The following DDAH1 variants were observed in gnomAD, a reference collection of about 807,000 sequenced individuals.
DDAH1 encodes the protein dimethylarginine dimethylaminohydrolase 1.
DDAH1 carries 19 observed loss-of-function variants against 28.8 expected under a neutral mutation model. The ratio of observed to expected loss-of-function variants is 0.66; its 90% confidence interval spans 0.46 to 0.97. The LOEUF is 0.97. Among genes scored for constraint, DDAH1 ranks in the 50% least tolerant of loss-of-function variants. The pLI is 0.00. For synonymous variants in DDAH1, 153 were observed against 154.4 expected (o/e 0.99, Z 0.07); for missense variants, 326 against 375.9 (o/e 0.87, Z 1.10).
chr1:85,448,590 T>C (rs1654538096), intron 1 of DDAH1, among the ~76,000 whole-genome samples: 1 of 152,160 alleles, frequency 6.6e-6, no homozygotes, highest in African/African-American at 2.4e-5. Flanking sequence ...ATCCCATCAA[T>C]AGGAGCTCTA....
At chr1:85,541,921 C>G (rs1658482353) in intron 1 of DDAH1, among the ~76,000 whole-genome samples, 1 of 152,172 alleles carries the variant, frequency 6.6e-6, no homozygotes, top group Non-Finnish European at 1.5e-5. Context: ...GACTTCCCAG[C>G]TTTCAGGACT....
At chr1:85,466,866 T>G (rs781734046), upstream of DDAH1, among the ~76,000 whole-genome samples, 1 of 116,720 alleles carries the variant, frequency 8.6e-6, no homozygotes, top group Non-Finnish European at 1.7e-5. Flanking sequence ...AGATGGAGTT[T>G]CGCTCTTGTT....
At chr1:85,556,596 T>G (rs553978335) in intron 1 of DDAH1, among the ~76,000 whole-genome samples, 15 of 151,590 alleles carry the variant, frequency 9.9e-5, no homozygotes, top group South Asian at 2.1e-4. Context: ...CAGCTAAAGG[T>G]GTGTGTGTGT....
chr1:85,485,346 C>A (rs776076013), intron 2 of DDAH1, among the ~76,000 whole-genome samples: 1 of 151,954 alleles, frequency 6.6e-6, no homozygotes, highest in Admixed American at 6.6e-5. Context: ...ATTATAGAAG[C>A]AAACCACAGG....
chr1:85,381,717 C>T (rs913100098), intron 1 of DDAH1, among the ~76,000 whole-genome samples: 2 of 133,382 alleles, frequency 1.5e-5, no homozygotes, highest in Non-Finnish European at 1.7e-5. Context: ...TTTGCAGATA[C>T]TGTTTTTTTT....
intron 1 of DDAH1, among the ~76,000 whole-genome samples, chr1:85,388,565 C>T (rs1651392136): frequency 6.6e-6 from 1 of 152,140 alleles, no homozygotes; most frequent in Admixed American, 6.5e-5. Flanking sequence ...AGTACCATTT[C>T]AAAATCTGTT....
chr1:85,487,711 GCCTATCT>G (rs1557683795), intron 2 of DDAH1, among the ~76,000 whole-genome samples: 1 of 151,922 alleles, frequency 6.6e-6, no homozygotes, highest in Admixed American at 6.6e-5. Flanking sequence ...TTCTCTATCT[GCCTATCT>G]CCAAAAAACA....
intron 1 of DDAH1, among the ~76,000 whole-genome samples, chr1:85,452,826 C>A (rs1185626825): frequency 6.6e-6 from 1 of 152,174 alleles, no homozygotes; most frequent in East Asian, 1.9e-4. Flanking sequence ...AGGCACAATT[C>A]ATTAAAGCAA....
intron 1 of DDAH1, among the ~76,000 whole-genome samples, chr1:85,576,091 A>G (rs201225153): frequency 8.3e-6 from 1 of 120,414 alleles, no homozygotes; most frequent in African/African-American, 3.0e-5. Context: ...TTAAAAAAAA[A>G]GAAAAAAAAA....
chr1:85,408,020 A>C (rs773615112), intron 1 of DDAH1, among the ~76,000 whole-genome samples: 2 of 152,344 alleles, frequency 1.3e-5, no homozygotes, highest in Middle Eastern at 6.8e-3. Flanking sequence ...AATCAAGTGC[A>C]GGCCCGGGCT....
chr1:85,364,290 T>C (rs1649946800), intron 1 of DDAH1, among the ~76,000 whole-genome samples: 1 of 152,184 alleles, frequency 6.6e-6, no homozygotes, highest in Non-Finnish European at 1.5e-5. Context: ...CACTGGATAT[T>C]GTAAGATCCT....
At chr1:85,519,885 C>G (rs1657614020) in intron 1 of DDAH1, among the ~76,000 whole-genome samples, 2 of 151,964 alleles carry the variant, frequency 1.3e-5, no homozygotes, top group South Asian at 4.2e-4. Context: ...GTGGTTGCCT[C>G]TAGGAATAAA....
At chr1:85,486,775 C>T (rs759386508) in intron 2 of DDAH1, among the ~76,000 whole-genome samples, 1 of 152,042 alleles carries the variant, frequency 6.6e-6, no homozygotes, top group Non-Finnish European at 1.5e-5. Flanking sequence ...GAAGGGTAGT[C>T]CAGGCAATGA....
intron 2 of DDAH1, among the ~76,000 whole-genome samples, chr1:85,479,528 C>T (rs1655930548): frequency 6.6e-6 from 1 of 152,210 alleles, no homozygotes; most frequent in African/African-American, 2.4e-5. Context: ...TTAAATTAAA[C>T]AAATCAGGCA....
upstream of DDAH1, chr1:85,465,284 C>T: frequency 1.0e-6 from 1 of 991,972 alleles, no homozygotes; most frequent in Non-Finnish European, 1.2e-6. Flanking sequence ...CTCGCGCCAG[C>T]CCAGGCGGGA....
intron 1 of DDAH1, among the ~76,000 whole-genome samples, chr1:85,395,091 T>A (rs755227428): frequency 1.3e-5 from 2 of 152,134 alleles, no homozygotes; most frequent in Non-Finnish European, 2.9e-5. Context: ...AAAAAAATTA[T>A]AAAAAGTCAT....
chr1:85,529,613 C>G (rs1331252723), intron 1 of DDAH1, among the ~76,000 whole-genome samples: 1 of 89,030 alleles, frequency 1.1e-5, no homozygotes, highest in Non-Finnish European at 2.4e-5. Flanking sequence ...CCCATTCCCA[C>G]CTGGCTTTCT....
chr1:85,332,127 T>A (rs550057343), intron 4 of DDAH1, among the ~76,000 whole-genome samples: 5 of 152,348 alleles, frequency 3.3e-5, no homozygotes, highest in Non-Finnish European at 5.9e-5. Flanking sequence ...GGGTCCCATG[T>A]ACCCACTTAG....
chr1:85,379,989 A>G (rs768934579), intron 1 of DDAH1, among the ~76,000 whole-genome samples: 1 of 152,240 alleles, frequency 6.6e-6, no homozygotes, highest in Non-Finnish European at 1.5e-5. Flanking sequence ...CACACACTGG[A>G]GCCAGAGTAA....
Sources: gnomAD v4.1 joint callset for allele counts (sites outside exome capture counted in the v4.1 genomes callset) on GRCh38, gnomAD v4.1.1 for gene constraint, MANE v1.5 for transcripts, NCBI Gene and HGNC (gene_info 2026-07-23, HGNC 2026-07-21) for gene names.